The following RP1 variants were observed in gnomAD, a reference collection of about 807,000 sequenced individuals.
The protein encoded by RP1 is oxygen-regulated protein 1.
RP1 carries 16 observed loss-of-function variants against 14.8 expected under a neutral mutation model. The observed-to-expected ratio is 1.08, with a 90% CI of 0.73 to 1.65. RP1 has a LOEUF of 1.65. Ranked by LOEUF, RP1 falls within the 40% of genes most tolerant of loss-of-function variation. The pLI is 0.00. For synonymous variants in RP1, 876 were observed against 883.6 expected (o/e 0.99, Z 0.15); for missense variants, 2,631 against 2,535.0 (o/e 1.04, Z -0.81).
chr8:54,594,782 G>GAT (rs1248959899), intron 1 of RP1, among the ~76,000 whole-genome samples: 1 of 152,138 alleles, frequency 6.6e-6, no homozygotes, highest in Non-Finnish European at 1.5e-5. Flanking sequence ...GTTCATTAGA[G>GAT]ATACATATGC....
intron 23 of RP1, among the ~76,000 whole-genome samples, chr8:54,781,254 T>C (rs1292382522): frequency 6.6e-6 from 1 of 152,180 alleles, no homozygotes; most frequent in Non-Finnish European, 1.5e-5. Flanking sequence ...TTTCAAAACA[T>C]TGTAAATATA....
chr8:54,655,492 TC>T (rs1176557951), intron 5 of RP1, among the ~76,000 whole-genome samples: 4 of 152,012 alleles, frequency 2.6e-5, no homozygotes, highest in Non-Finnish European at 5.9e-5. Context: ...TTGCTAAGGA[TC>T]CAAAGGGGGA....
chr8:54,743,068 T>C (rs1482042009), intron 19 of RP1, among the ~76,000 whole-genome samples: 1 of 152,194 alleles, frequency 6.6e-6, no homozygotes, highest in Non-Finnish European at 1.5e-5. Flanking sequence ...ACCAAAGCAA[T>C]GTAAGAGAAG....
chr8:54,630,516 G>T lies in RP1; in HGVS notation c.*163G>T. 1 of 1,420,730 alleles carries T rather than the reference G, an allele frequency of 7.0e-7. No homozygotes were observed. The highest frequency in any genetic ancestry group is 9.1e-7 in the Non-Finnish European group (1 of 1,093,114). 88.0% of individuals were successfully genotyped at this position (1,420,730 alleles called of 1,614,324 possible). A position where few individuals can be genotyped will look rare whatever the true frequency, so the allele number is the denominator to read the frequency against. ...GGATAACCAGTTTGACTTTCATAAT[G>T]TCTCTGTTTTTTGTTTTTCCAACAA... On this transcript the variant is annotated 3_prime_UTR_variant, in exon 4 of 4. Coordinates refer to ENST00000220676, the MANE Select transcript of RP1 (RefSeq NM_006269.2).
intron 24 of RP1, among the ~76,000 whole-genome samples, chr8:54,831,793 C>T (rs899965170): frequency 6.6e-6 from 1 of 151,528 alleles, no homozygotes; most frequent in Non-Finnish European, 1.5e-5. Context: ...TGTATTATTT[C>T]TCTTAAACCT....
chr8:54,836,183 G>A (rs549934290), intron 24 of RP1, among the ~76,000 whole-genome samples: 9 of 152,300 alleles, frequency 5.9e-5, no homozygotes, highest in South Asian at 4.1e-4. Flanking sequence ...CTGTGATGAT[G>A]AGACCATTTA....
exon 29 of RP1, chr8:54,871,117 G>A (rs1812580399): frequency 6.6e-6 from 1 of 152,040 alleles, no homozygotes; most frequent in African/African-American, 2.4e-5. Context: ...GTATTTAGAG[G>A]TGAAGAGAGC....
intron 1 of RP1, among the ~76,000 whole-genome samples, chr8:54,570,217 G>C (rs1031253484): frequency 2.0e-5 from 3 of 152,214 alleles, no homozygotes; most frequent in African/African-American, 7.2e-5. Flanking sequence ...AATGTCATGA[G>C]GGAGGGAGAA....
In RP1 at chr8:54,624,697, G is replaced by A; in HGVS notation, c.815G>A (p.Arg272Lys). 1 of 1,613,770 alleles carries A rather than the reference G, an allele frequency of 6.2e-7. No homozygotes were observed. The highest frequency in any genetic ancestry group is 8.5e-7 in the Non-Finnish European group (1 of 1,179,926). Residue 272 changes from arginine (R) to lysine (K), a missense_variant, in exon 4 of 4, where the codon AGG becomes AAG. By Grantham distance (26) the Arg-to-Lys change is conservative. Transcript: ENST00000220676. ...AGCACACATATGTCTTCAAGCTCAA[G>A]GTCCCAGATTTATTCTGTTTCTTCT... Reference protein sequence around the residue: ...KISTHMSSSSRSQIYSVSSEK... With the variant: ...KISTHMSSSSKSQIYSVSSEK...
At chr8:54,722,413 G>A (rs1808559107) in intron 16 of RP1, among the ~76,000 whole-genome samples, 1 of 151,874 alleles carries the variant, frequency 6.6e-6, no homozygotes, top group African/African-American at 2.4e-5. Context: ...TGGGACTACA[G>A]GCGCCCGCCA....
chr8:54,599,639 G>A (rs907782346), intron 1 of RP1, among the ~76,000 whole-genome samples: 1 of 151,950 alleles, frequency 6.6e-6, no homozygotes. Flanking sequence ...TTTTTTGGTA[G>A]AGGCGATGTT....
At chr8:54,566,938 A>G (rs1804421618) in intron 1 of RP1, among the ~76,000 whole-genome samples, 1 of 152,152 alleles carries the variant, frequency 6.6e-6, no homozygotes, top group African/African-American at 2.4e-5. Flanking sequence ...GAGCCAGCTG[A>G]GGCAGGCAGT....
At position 54,605,958 on chromosome 8, in the gene RP1, C is replaced by T. The variant is rs1475549942; in HGVS notation, c.-12-14997C>T. On this transcript the variant is annotated intron_variant, in intron 1 of 22. Transcript: ENST00000636932. ...CTCTGCACATGATGAGATGGGTTTCCTGAATACAGCACACTGATGGGTCTT... is the reference window on the plus strand; with the variant it reads ...CTCTGCACATGATGAGATGGGTTTCTTGAATACAGCACACTGATGGGTCTT... 3.3e-5 allele frequency among the ~76,000 whole-genome samples: 5 copies of T among 151,156 alleles called. No individual in the cohort carries two copies. In the East Asian group the frequency reaches 7.7e-4, roughly 23 times the overall value.
intron 1 of RP1, among the ~76,000 whole-genome samples, chr8:54,576,375 T>A (rs2129294898): frequency 6.6e-6 from 1 of 152,366 alleles, no homozygotes; most frequent in Non-Finnish European, 1.5e-5. Flanking sequence ...CACTGATTAA[T>A]GCTGTAATCA....
chr8:54,665,556 G>T (rs1361377280), intron 7 of RP1, among the ~76,000 whole-genome samples: 1 of 152,196 alleles, frequency 6.6e-6, no homozygotes, highest in Non-Finnish European at 1.5e-5. Context: ...CAGAAACTCA[G>T]AGCTGGAGTT....
chr8:54,864,939 T>C (rs1026720399), intron 27 of RP1, among the ~76,000 whole-genome samples: 2 of 152,218 alleles, frequency 1.3e-5, no homozygotes, highest in African/African-American at 4.8e-5. Context: ...AATTAGTTTA[T>C]GAGGAACTGA....
At chr8:54,641,118 G>T (rs1300485566) in intron 3 of RP1, among the ~76,000 whole-genome samples, 2 of 151,724 alleles carry the variant, frequency 1.3e-5, no homozygotes, top group East Asian at 3.9e-4. Context: ...CTAATTTTTT[G>T]TACTTTTTAG....
intron 4 of RP1, among the ~76,000 whole-genome samples, chr8:54,651,977 A>G (rs905070823): frequency 6.9e-6 from 1 of 145,880 alleles, no homozygotes; most frequent in Non-Finnish European, 1.5e-5. Context: ...TCTTTGACCT[A>G]TTTGTTGCTT....
At chr8:54,566,259 T>C (rs1804403476) in intron 1 of RP1, among the ~76,000 whole-genome samples, 1 of 152,184 alleles carries the variant, frequency 6.6e-6, no homozygotes, top group Non-Finnish European at 1.5e-5. Flanking sequence ...AGAATAATCT[T>C]CAACTTCTCT....
Sources: gnomAD v4.1 joint callset for allele counts (sites outside exome capture counted in the v4.1 genomes callset) on GRCh38, gnomAD v4.1.1 for gene constraint, MANE v1.5 for transcripts, NCBI Gene and HGNC (gene_info 2026-07-23, HGNC 2026-07-21) for gene names.